KLHDC10: variants seen among roughly 807,000 people sequenced by gnomAD.
The protein encoded by KLHDC10 is kelch domain containing 10, also known as kelch domain-containing protein 10.
A neutral mutation model predicts 56.1 loss-of-function variants in KLHDC10; 24 were observed. The ratio of observed to expected loss-of-function variants is 0.43; its 90% confidence interval spans 0.31 to 0.60. KLHDC10 has a LOEUF of 0.60. Among genes scored for constraint, KLHDC10 ranks in the 20% least tolerant of loss-of-function variants. KLHDC10 has a pLI of 0.11. For synonymous variants in KLHDC10, 188 were observed against 207.1 expected (o/e 0.91, Z 0.79); for missense variants, 349 against 567.0 (o/e 0.62, Z 3.91).
intron 1 of KLHDC10, among the ~76,000 whole-genome samples, chr7:130,079,410 G>A (rs1795566775): frequency 1.3e-5 from 2 of 152,032 alleles, no homozygotes; most frequent in Non-Finnish European, 2.9e-5. Context: ...TTTATTAGAA[G>A]TAATGTTGCT....
Position 130,092,128 on chromosome 7 carries a change from T to C in KLHDC10, c.167-4793T>C, listed in dbSNP as rs78438403. On this transcript the variant is annotated intron_variant, in intron 1 of 9. Coordinates refer to ENST00000335420, the MANE Select transcript of KLHDC10 (RefSeq NM_014997.4). Reference sequence around the variant, plus strand: ...GACTCTCAATTTCATTAATTTAATCTGTATGTCCATCCATATGCCAGTACC... The same window carrying C: ...GACTCTCAATTTCATTAATTTAATCCGTATGTCCATCCATATGCCAGTACC... Among the ~76,000 whole-genome samples, 632 of 152,364 alleles carry C rather than the reference T, an allele frequency of 4.1e-3. 4 individuals are homozygous for C. The highest frequency in any genetic ancestry group is 0.015 in the African/African-American group (606 of 41,596).
chr7:130,121,790 A>G (rs1450886875), intron 4 of KLHDC10, among the ~76,000 whole-genome samples: 1 of 152,168 alleles, frequency 6.6e-6, no homozygotes, highest in African/African-American at 2.4e-5. Context: ...AAATTATTTG[A>G]TCAGCCAGGA....
chr7:130,072,883 G>A (rs1795437614), intron 1 of KLHDC10, among the ~76,000 whole-genome samples: 2 of 152,072 alleles, frequency 1.3e-5, no homozygotes, highest in African/African-American at 4.8e-5. Context: ...AGCCTCCTGA[G>A]TAGCTGAAAT....
chr7:130,113,180 A>G (rs752462878), intron 2 of KLHDC10, among the ~76,000 whole-genome samples: 81 of 152,182 alleles, frequency 5.3e-4, no homozygotes, highest in Non-Finnish European at 1.1e-3. Flanking sequence ...TCAAGTGCTC[A>G]GGAGCCATAT....
chr7:130,084,456 TGAA>T (rs930510452), intron 1 of KLHDC10, among the ~76,000 whole-genome samples: 1 of 151,956 alleles, frequency 6.6e-6, no homozygotes, highest in Admixed American at 6.6e-5. Context: ...CTATGAGGTG[TGAA>T]GGAGAGAGAA....
chr7:130,077,656 C>T (rs1239761096), intron 1 of KLHDC10, among the ~76,000 whole-genome samples: 4 of 149,010 alleles, frequency 2.7e-5, no homozygotes, highest in Admixed American at 1.3e-4. Flanking sequence ...CCCGGGTTCA[C>T]GCCATTCTCC....
Position 130,134,826 on chromosome 7 carries a change from G to T in KLHDC10, c.*4080G>T, listed in dbSNP as rs1796446263. The T allele has an allele frequency of 6.6e-6, 1 of 152,098 alleles. No individual in the cohort carries two copies. The highest frequency in any genetic ancestry group is 2.4e-5 in the African/African-American group (1 of 41,400). 9.4% of individuals were successfully genotyped at this position (152,098 alleles called of 1,614,324 possible). Reference sequence around the variant, plus strand: ...ATCATAAGCTCCATTCTAAAAACTGGTCACTGTTAGCTGAAATTGCTTTGG... The same window carrying T: ...ATCATAAGCTCCATTCTAAAAACTGTTCACTGTTAGCTGAAATTGCTTTGG... On this transcript the variant is annotated 3_prime_UTR_variant, in exon 10 of 10. Transcript: ENST00000335420.
intron 1 of KLHDC10, among the ~76,000 whole-genome samples, chr7:130,078,907 G>A (rs1795557150): frequency 6.6e-6 from 1 of 152,158 alleles, no homozygotes; most frequent in South Asian, 2.1e-4. Flanking sequence ...AGATAGTAGT[G>A]GAGCTTTGTC....
intron 1 of KLHDC10, among the ~76,000 whole-genome samples, chr7:130,075,786 C>T (rs565910004): frequency 6.6e-6 from 1 of 152,256 alleles, no homozygotes; most frequent in South Asian, 2.1e-4. Flanking sequence ...CGAGTGCTGT[C>T]TTCCTTGTTC....
intron 2 of KLHDC10, among the ~76,000 whole-genome samples, chr7:130,115,641 G>C (rs1316860150): frequency 6.7e-6 from 1 of 149,844 alleles, no homozygotes; most frequent in Non-Finnish European, 1.5e-5. Flanking sequence ...CTTGAACCTG[G>C]GAGGCAGAGG....
chr7:130,128,889 A>ATATATATATATATATATAT (rs1554468214), intron 8 of KLHDC10, among the ~76,000 whole-genome samples: 2 of 66,956 alleles, frequency 3.0e-5, no homozygotes, highest in African/African-American at 1.5e-4. Context: ...AAAAAAAAAA[A>ATATATATATATATATATAT]ATATATATAT....
intron 1 of KLHDC10, among the ~76,000 whole-genome samples, chr7:130,080,968 C>CT (rs545067087): frequency 3.4e-5 from 5 of 146,302 alleles, no homozygotes; most frequent in African/African-American, 1.3e-4. Context: ...CCAATATTTT[C>CT]TTTTTTTATT....
intron 2 of KLHDC10, among the ~76,000 whole-genome samples, chr7:130,103,863 G>A (rs947102745): frequency 6.6e-5 from 10 of 152,146 alleles, no homozygotes; most frequent in Non-Finnish European, 1.3e-4. Context: ...GCTGAGGCGG[G>A]TGGATCACGA....
At chr7:130,073,200 C>T (rs1795446006) in intron 1 of KLHDC10, among the ~76,000 whole-genome samples, 2 of 152,000 alleles carry the variant, frequency 1.3e-5, no homozygotes, top group African/African-American at 4.8e-5. Context: ...AAGACCACAT[C>T]TCAAGTTAAA....
intron 2 of KLHDC10, among the ~76,000 whole-genome samples, chr7:130,100,872 C>T (rs1447451517): frequency 2.0e-5 from 3 of 151,954 alleles, no homozygotes; most frequent in Non-Finnish European, 2.9e-5. Context: ...ACAGTAATGG[C>T]GTAATGAAAA....
intron 4 of KLHDC10, 85 bp from the exon 5 acceptor site, chr7:130,121,969 A>G: frequency 8.4e-7 from 1 of 1,184,416 alleles, no homozygotes. Context: ...ATTTCATAAA[A>G]CCTGATTTGG....
At chr7:130,073,040 G>A (rs1795440458) in intron 1 of KLHDC10, among the ~76,000 whole-genome samples, 1 of 151,904 alleles carries the variant, frequency 6.6e-6, no homozygotes, top group Non-Finnish European at 1.5e-5. Context: ...ACAGGCGTGA[G>A]CCACCTCGCC....
intron 2 of KLHDC10, among the ~76,000 whole-genome samples, chr7:130,112,295 C>T (rs1021214988): frequency 1.3e-5 from 2 of 152,134 alleles, no homozygotes; most frequent in African/African-American, 2.4e-5. Flanking sequence ...CCTGCTTGCT[C>T]CCTGGGTAAA....
intron 1 of KLHDC10, among the ~76,000 whole-genome samples, chr7:130,072,937 G>A (rs1337197691): frequency 6.6e-6 from 1 of 152,024 alleles, no homozygotes; most frequent in Non-Finnish European, 1.5e-5. Flanking sequence ...TGTATTTTTA[G>A]TAGAGACGGG....
Sources: allele counts gnomAD v4.1 joint callset (sites outside exome capture counted in the v4.1 genomes callset), GRCh38; gene constraint gnomAD v4.1.1; transcripts MANE v1.5; gene names NCBI Gene and HGNC (gene_info 2026-07-23, HGNC 2026-07-21).